The following CNDP2 variants were observed in gnomAD, a reference collection of about 807,000 sequenced individuals.
The protein encoded by CNDP2 is cytosolic non-specific dipeptidase.
Under a neutral mutation model 55.0 loss-of-function variants are expected in CNDP2, and 38 were observed. The observed-to-expected ratio is 0.69, with a 90% CI of 0.53 to 0.90. CNDP2 has a LOEUF of 0.90. CNDP2 is among the 40% of genes least tolerant of loss of function. The pLI, the probability that CNDP2 is intolerant of heterozygous loss-of-function variation, is 0.00. For synonymous variants in CNDP2, 241 were observed against 260.2 expected (o/e 0.93, Z 0.71); for missense variants, 607 against 621.7 (o/e 0.98, Z 0.25).
In CNDP2 at chr18:74,518,129, C is replaced by T. The variant is rs184103568; in HGVS notation, c.1069-370C>T. 2.8e-3 allele frequency: 448 copies of T among 159,206 alleles called. 2 individuals are homozygous for T. The highest frequency in any genetic ancestry group is 7.2e-3 in the East Asian group (40 of 5,536). 9.9% of individuals were successfully genotyped at this position (159,206 alleles called of 1,614,324 possible). On this transcript the variant is annotated intron_variant, in intron 9 of 11. Coordinates refer to ENST00000324262, the MANE Select transcript of CNDP2 (RefSeq NM_018235.3). ...GACAAAAATTAGCCGGGTGTGGTGG[C>T]GGGCGCCTGTAGTCCCAGCTGCTCA...
chr18:74,518,796 G>A, intron 10 of CNDP2, 153 bp from the exon 11 acceptor site: 1 of 1,418,912 alleles, frequency 7.0e-7, no homozygotes, highest in Non-Finnish European at 9.7e-7. Context: ...TGTGTGGGAT[G>A]AGCCTGGACC....
At chr18:74,499,696 C>T (rs1412106350) in intron 1 of CNDP2, 186 bp from the exon 2 acceptor site, 8 of 390,332 alleles carry the variant, frequency 2.0e-5, no homozygotes, top group South Asian at 8.6e-5. Context: ...CCATCTGACA[C>T]GGAATTTTGT....
chr18:74,501,113 A>G (rs939564376), intron 2 of CNDP2: 5 of 1,083,366 alleles, frequency 4.6e-6, no homozygotes, highest in Non-Finnish European at 5.9e-6. Context: ...TACTGAGTGT[A>G]AAACAATATG....
In CNDP2 at chr18:74,514,860, C is replaced by T. The variant is rs192810052; in HGVS notation, c.903+1141C>T. 2.0e-4 allele frequency among the ~76,000 whole-genome samples: 30 copies of T among 152,316 alleles called. No homozygotes were observed. In the East Asian group the frequency reaches 4.6e-3, roughly 24 times the overall value. On this transcript the variant is annotated intron_variant, in intron 8 of 11. Transcript: ENST00000324262. ...CCTGGGACACAAGGGAAATAAGGCC[C>T]GGCTGGGCTCTTGAGTTTTGTCTCC... is the stretch of plus-strand genomic sequence containing the variant.
intron 9 of CNDP2, 116 bp from the exon 10 acceptor site, chr18:74,518,383 C>CA: frequency 8.4e-7 from 1 of 1,184,392 alleles, no homozygotes; most frequent in Non-Finnish European, 1.2e-6. Context: ...ACAGACCTGT[C>CA]AGAGGCCGAT....
At chr18:74,518,885 T>C in intron 10 of CNDP2, 64 bp from the exon 11 acceptor site, 3 of 1,604,220 alleles carry the variant, frequency 1.9e-6, no homozygotes, top group Non-Finnish European at 2.6e-6. Flanking sequence ...AGTAGTGGTC[T>C]GAGACAGATC....
In CNDP2 at chr18:74,518,972, A is replaced by G. The variant is rs1979889836; in HGVS notation, c.1234A>G (p.Thr412Ala). The G allele has an allele frequency of 6.2e-7, 1 of 1,613,946 alleles. No homozygotes were observed. The highest frequency in any genetic ancestry group is 1.7e-5 in the Admixed American group (1 of 59,994). Residue 412 changes from threonine (T) to alanine (A), a missense_variant, in exon 11 of 12, where the codon ACC becomes GCC. Transcript: ENST00000324262. The part of the protein sequence containing the change: ...KTVFGVEPDL[T>A]REGGSIPVTL... ...AGTTTTTGGTGTTGAGCCAGACTTG[A>G]CCAGGGAAGGCGGCAGTATTCCCGT...
chr18:74,498,591 C>T (rs1038999641), intron 1 of CNDP2, among the ~76,000 whole-genome samples: 10 of 152,164 alleles, frequency 6.6e-5, no homozygotes, highest in African/African-American at 2.4e-4. Flanking sequence ...AGATGAAAAT[C>T]ACCACATGTA....
rs1042236704 is a variant in CNDP2 at position 74,508,849 on chromosome 18, A to G, written c.377A>G (p.Tyr126Cys). The change falls in exon 5 of 12, where the codon TAT (tyrosine) becomes TGT (cysteine). Residue 126 changes from tyrosine to cysteine, a missense_variant. By Grantham distance (194) the Tyr-to-Cys change is radical. Transcript: ENST00000324262. ...TGGATTGCTGTTCTAGGCAAGCTGT[A>G]TGGGAGAGGTTCGACTGATGATAAG... is the stretch of plus-strand genomic sequence containing the variant. The part of the protein sequence containing the change: ...FTLVERDGKL[Y>C]GRGSTDDKGP... The G allele has an allele frequency of 6.2e-7, 1 of 1,613,994 alleles. No homozygotes were observed. The highest frequency in any genetic ancestry group is 8.5e-7 in the Non-Finnish European group (1 of 1,179,898).
chr18:74,504,085 C>T (rs61060532), intron 3 of CNDP2, among the ~76,000 whole-genome samples: 3 of 143,924 alleles, frequency 2.1e-5, no homozygotes, highest in Admixed American at 7.0e-5. Flanking sequence ...GCCACAGTGC[C>T]GCTGGGACAA....
Position 74,520,209 on chromosome 18 carries a change from A to G in CNDP2, c.*141A>G, listed in dbSNP as rs1282312976. 2 of 758,936 alleles carry G rather than the reference A, an allele frequency of 2.6e-6. No individual in the cohort carries two copies. The highest frequency in any genetic ancestry group is 4.4e-6 in the Non-Finnish European group (2 of 458,292). The allele number at this position is 758,936 out of a possible 1,614,324, so 47.0% of individuals were successfully genotyped here. ...TCCATGACTTTAGAGAACAGACACA[A>G]GTGTATCCAGCTGTCCACGGGTGGA... On this transcript the variant is annotated 3_prime_UTR_variant, in exon 12 of 12. Coordinates refer to ENST00000324262, the MANE Select transcript of CNDP2 (RefSeq NM_018235.3).
rs924075864 is a variant in CNDP2 at position 74,501,321 on chromosome 18, A to G, written c.61-8A>G. On this transcript the variant is annotated splice_polypyrimidine_tract_variant and splice_region_variant and intron_variant, in intron 2 of 11. Coordinates refer to ENST00000324262, the MANE Select transcript of CNDP2 (RefSeq NM_018235.3). ...CAGAATCCCTCGTTGCTTCTTGTCC[A>G]CAAACAGAAACTCGCAAAATGGGTG... is the stretch of plus-strand genomic sequence containing the variant. 1.2e-6 allele frequency: 2 copies of G among 1,611,284 alleles called. No individual in the cohort carries two copies. The highest frequency in any genetic ancestry group is 1.7e-5 in the Admixed American group (1 of 59,518).
intron 5 of CNDP2, 126 bp downstream of exon 5, chr18:74,509,054 C>A: frequency 1.4e-6 from 1 of 730,146 alleles, no homozygotes; most frequent in Non-Finnish European, 2.3e-6. Context: ...GTCCCCCAGC[C>A]CTTATCAGCA....
intron 3 of CNDP2, 41 bp from the exon 4 acceptor site, chr18:74,505,808 A>T: frequency 3.1e-6 from 5 of 1,610,106 alleles, no homozygotes; most frequent in Non-Finnish European, 4.2e-6. Context: ...TGAATTTCTT[A>T]AACAAAGGCT....
At chr18:74,518,843 G>T in intron 10 of CNDP2, 106 bp from the exon 11 acceptor site, 1 of 1,516,118 alleles carries the variant, frequency 6.6e-7, no homozygotes, top group South Asian at 1.2e-5. Context: ...CTGTCCCCAG[G>T]GCCTTGCACA....
intron 3 of CNDP2, 100 bp from the exon 4 acceptor site, chr18:74,505,749 G>T: frequency 7.7e-7 from 1 of 1,303,402 alleles, no homozygotes; most frequent in South Asian, 1.3e-5. Context: ...TGATTGATAA[G>T]GACAGATAAG....
intron 8 of CNDP2, 69 bp downstream of exon 8, chr18:74,513,788 G>A: frequency 6.6e-7 from 1 of 1,524,418 alleles, no homozygotes; most frequent in African/African-American, 1.4e-5. Context: ...CCCAGGCCCT[G>A]TCACCTTCCC....
chr18:74,507,273 G>C (rs909787445), intron 4 of CNDP2: 1 of 152,448 alleles, frequency 6.6e-6, no homozygotes, highest in Non-Finnish European at 1.5e-5. Context: ...CTGTCTTACA[G>C]TCTCCGCGGA....
At chr18:74,505,744 G>A in intron 3 of CNDP2, 105 bp from the exon 4 acceptor site, 2 of 1,240,186 alleles carry the variant, frequency 1.6e-6, no homozygotes, top group Middle Eastern at 1.9e-4. Context: ...GAGGTTGATT[G>A]ATAAGGACAG....
Sources: gnomAD v4.1 joint callset for allele counts (sites outside exome capture counted in the v4.1 genomes callset) on GRCh38, gnomAD v4.1.1 for gene constraint, MANE v1.5 for transcripts, NCBI Gene and HGNC (gene_info 2026-07-23, HGNC 2026-07-21) for gene names.